DACH2: variants seen among roughly 807,000 people sequenced by gnomAD.
DACH2 encodes the protein dachshund family transcription factor 2.
A neutral mutation model predicts 35.8 loss-of-function variants in DACH2; 17 were observed. That is an observed-to-expected ratio of 0.48 (90% CI 0.33 to 0.71). DACH2 has a LOEUF of 0.71. DACH2 is among the 30% of genes least tolerant of loss of function. DACH2 has a pLI of 0.02. For synonymous variants in DACH2, 195 were observed against 177.3 expected, an observed-to-expected ratio of 1.10 and a Z score of -0.79; for missense variants, 469 against 472.7, an observed-to-expected ratio of 0.99 and a Z score of 0.07.
rs779459667 is a variant in DACH2 at position 86,514,185 on chromosome X, TAAAC to T, written c.528-91_528-88del. Reference sequence around the variant, plus strand: ...GTAAAATTCTATCACTTTTGGCAATTAAACAAGATTTAAAAGGTAAATATTGCAA... The same window carrying T: ...GTAAAATTCTATCACTTTTGGCAATTAAGATTTAAAAGGTAAATATTGCAA... On this transcript the variant is annotated intron_variant, in intron 2 of 11. Coordinates refer to ENST00000373125, the MANE Select transcript of DACH2 (RefSeq NM_053281.3). 3 of 795,515 alleles carry T rather than the reference TAAAC, an allele frequency of 3.8e-6. No individual in the cohort carries two copies. In the South Asian group the frequency reaches 7.6e-5, roughly 20 times the overall value. 65.6% of individuals were successfully genotyped at this position (795,515 alleles called of 1,213,427 possible).
In DACH2 at chrX:86,812,959, T is replaced by G; in HGVS notation, c.1344T>G (p.Phe448Leu). The G allele has an allele frequency of 8.3e-7, 1 of 1,208,996 alleles. No homozygotes were observed. The highest frequency in any genetic ancestry group is 1.1e-6 in the Non-Finnish European group (1 of 893,673). The stretch of plus-strand genomic sequence containing the variant: ...CTGGATTCCCTGGACCATTCATTTT[T>G]GCTGATAGTCTGTCCTCCGTGGAGA... The part of the protein sequence containing the change: ...LPAGFPGPFI[F>L]ADSLSSVETL... The change falls in exon 8 of 12, where the codon TTT becomes TTG. Residue 448 changes from phenylalanine (F) to leucine (L), a missense_variant. Phe to Leu is a conservative substitution (Grantham distance 22). Coordinates refer to ENST00000373125, the MANE Select transcript of DACH2 (RefSeq NM_053281.3).
At chrX:86,695,728 G>A (rs1390703954) in intron 5 of DACH2, among the ~76,000 whole-genome samples, 1 of 109,684 alleles carries the variant, frequency 9.1e-6, no homozygotes, top group Non-Finnish European at 1.9e-5. Flanking sequence ...GGCCAGGCTG[G>A]TCTTGAACTC....
At chrX:86,277,923 C>A (rs1242972789) in intron 1 of DACH2, among the ~76,000 whole-genome samples, 1 of 111,837 alleles carries the variant, frequency 8.9e-6, no homozygotes, top group African/African-American at 3.3e-5. Context: ...GAAATGTTGT[C>A]TTCTCCTATT....
In DACH2 at chrX:86,268,681, G is replaced by A. The variant is rs770523621; in HGVS notation, c.489-108143G>A. On this transcript the variant is annotated intron_variant, in intron 1 of 11. Coordinates refer to ENST00000373125, the MANE Select transcript of DACH2 (RefSeq NM_053281.3). ...TCCCGAGTAGCTGGGATTACAGGAG[G>A]CACCACCACGCCCAGCTAATTTTTG... 4.9e-3 allele frequency among the ~76,000 whole-genome samples: 538 copies of A among 108,982 alleles called. 2 individuals carry two copies. Among genetic ancestry groups the A allele is most frequent in the African/African-American group, 0.017 (498 of 29,993 alleles). 94.6% of individuals were successfully genotyped at this position (108,982 alleles called of 115,157 possible).
At chrX:86,411,645 G>A (rs745471128) in intron 2 of DACH2, among the ~76,000 whole-genome samples, 2 of 111,764 alleles carry the variant, frequency 1.8e-5, no homozygotes, top group South Asian at 7.5e-4. Context: ...TATGTCACAT[G>A]ATAAATGAAA....
At chrX:86,628,211 A>G (rs1207554954) in intron 3 of DACH2, among the ~76,000 whole-genome samples, 1 of 112,478 alleles carries the variant, frequency 8.9e-6, no homozygotes, top group Non-Finnish European at 1.9e-5. Flanking sequence ...TAAGCACCTT[A>G]CAGCCTTGGT....
chrX:86,212,095 C>T (rs1021359858), intron 1 of DACH2, among the ~76,000 whole-genome samples: 2 of 111,268 alleles, frequency 1.8e-5, no homozygotes, highest in Non-Finnish European at 3.8e-5. Flanking sequence ...AGAATCGAGT[C>T]AACTGGGAGG....
chrX:86,435,851 A>G (rs1014838811), intron 2 of DACH2, among the ~76,000 whole-genome samples: 2 of 111,842 alleles, frequency 1.8e-5, no homozygotes, highest in African/African-American at 6.5e-5. Flanking sequence ...GGCAGTTAGC[A>G]TGTACAAAAT....
rs2041925172 is a variant in DACH2, at chrX:86,765,697, G to GTTTTTTTTTTTTTTTTTTTT, written c.1240+25815_1240+25816insTTTTTTTTTTTTTTTTTTTT. Among the ~76,000 whole-genome samples, 8 of 35,217 alleles carry GTTTTTTTTTTTTTTTTTTTT rather than the reference G, an allele frequency of 2.3e-4. 1 individual carries two copies. Among genetic ancestry groups the GTTTTTTTTTTTTTTTTTTTT allele is most frequent in the East Asian group, 9.9e-4 (1 of 1,008 alleles). 30.6% of individuals were successfully genotyped at this position (35,217 alleles called of 115,157 possible). On this transcript the variant is annotated intron_variant, in intron 7 of 11. Transcript: ENST00000373125. ...CTGGTTTTTTTTGTTGTTGTTTTTT[G>GTTTTTTTTTTTTTTTTTTTT]GTTTTTTTTTTTTTTTTTTTTTTTT...
intron 1 of DACH2, among the ~76,000 whole-genome samples, chrX:86,348,994 A>C (rs2148069610): frequency 8.9e-6 from 1 of 112,287 alleles, no homozygotes; most frequent in Non-Finnish European, 1.9e-5. Context: ...GTGCTCTTTT[A>C]GTTTTGCCAT....
At chrX:86,542,647 A>T (rs1351157657) in intron 3 of DACH2, among the ~76,000 whole-genome samples, 1 of 111,884 alleles carries the variant, frequency 8.9e-6, no homozygotes, top group Non-Finnish European at 1.9e-5. Context: ...CTGTTATAGC[A>T]ACACAAAAAG....
At chrX:86,632,677 A>G (rs2040216386) in intron 3 of DACH2, among the ~76,000 whole-genome samples, 1 of 111,295 alleles carries the variant, frequency 9.0e-6, no homozygotes, top group South Asian at 3.7e-4. Flanking sequence ...CAGCAAACAC[A>G]AAACTCAACT....
intron 2 of DACH2, among the ~76,000 whole-genome samples, chrX:86,495,086 C>T (rs113242486): frequency 0.026 from 2,875 of 111,122 alleles, 103 homozygotes; most frequent in African/African-American, 0.089. Flanking sequence ...CTTGCTCTGT[C>T]ACCCAGGCAG....
chrX:86,657,773 C>A (rs999988138), intron 4 of DACH2, among the ~76,000 whole-genome samples: 4 of 111,463 alleles, frequency 3.6e-5, no homozygotes, highest in Non-Finnish European at 7.6e-5. Context: ...TATTTAATTT[C>A]ATCATTGTTA....
At chrX:86,767,377 A>G (rs923989864) in intron 7 of DACH2, among the ~76,000 whole-genome samples, 3 of 111,914 alleles carry the variant, frequency 2.7e-5, no homozygotes, top group Non-Finnish European at 5.6e-5. Flanking sequence ...TGAGCATAAT[A>G]TCACAGAGAA....
chrX:86,366,644 T>C (rs749467940), intron 1 of DACH2, among the ~76,000 whole-genome samples: 4 of 110,974 alleles, frequency 3.6e-5, no homozygotes, highest in African/African-American at 6.6e-5. Flanking sequence ...CCAAATCTCA[T>C]GTCAAAATGT....
Position 86,159,358 on chromosome X carries a change from G to T in DACH2, c.488+10250G>T, listed in dbSNP as rs12689715. Among the ~76,000 whole-genome samples, 193 of 111,574 alleles carry T rather than the reference G, an allele frequency of 1.7e-3. 4 individuals carry two copies. The East Asian group carries it at 0.04, about 23-fold the overall frequency. On this transcript the variant is annotated intron_variant, in intron 1 of 11. Coordinates refer to ENST00000373125, the MANE Select transcript of DACH2 (RefSeq NM_053281.3). ...ACAAAACCAGATTATTTGCAAACAT[G>T]TATAATTAAATGTTTAATGTTACTG...
intron 1 of DACH2, among the ~76,000 whole-genome samples, chrX:86,236,302 C>G (rs1487509048): frequency 8.9e-6 from 1 of 112,079 alleles, no homozygotes; most frequent in Non-Finnish European, 1.9e-5. Context: ...CAAACAGCAA[C>G]GTCTTGTACA....
chrX:86,391,006 T>C (rs190299522), intron 2 of DACH2, among the ~76,000 whole-genome samples: 1 of 109,832 alleles, frequency 9.1e-6, no homozygotes, highest in African/African-American at 3.3e-5. Flanking sequence ...CTTGGCCCGG[T>C]GCAGTGGCTC....
Sources: gnomAD v4.1 joint callset for allele counts (sites outside exome capture counted in the v4.1 genomes callset) on GRCh38, gnomAD v4.1.1 for gene constraint, MANE v1.5 for transcripts, NCBI Gene and HGNC (gene_info 2026-07-23, HGNC 2026-07-21) for gene names.